The following PTPRD variants were observed in gnomAD, a reference collection of about 807,000 sequenced individuals.
PTPRD encodes the protein receptor-type tyrosine-protein phosphatase delta.
In PTPRD, 34 loss-of-function variants were observed where a neutral mutation model predicts 214.5. The ratio of observed to expected loss-of-function variants is 0.16; its 90% confidence interval spans 0.12 to 0.21. PTPRD has a LOEUF of 0.21. Among genes scored for constraint, PTPRD ranks in the 10% least tolerant of loss-of-function variants. The probability of loss-of-function intolerance (pLI) is 1.00; values close to 1 mark genes in which losing one functional copy is unlikely to be tolerated. For missense variants in PTPRD, 2,545 were observed against 2,398.7 expected, an observed-to-expected ratio of 1.06 and a Z score of -1.27; for synonymous variants, 1,128 against 845.7, an observed-to-expected ratio of 1.33 and a Z score of -5.79.
chr9:10,334,970 T>C (rs771878570), intron 3 of PTPRD, among the ~76,000 whole-genome samples: 1 of 151,902 alleles, frequency 6.6e-6, no homozygotes, highest in Non-Finnish European at 1.5e-5. Context: ...AAATATTCCA[T>C]GTTCAAGAAC....
chr9:10,446,281 T>C (rs1253277029), intron 2 of PTPRD, among the ~76,000 whole-genome samples: 1 of 151,762 alleles, frequency 6.6e-6, no homozygotes, highest in East Asian at 1.9e-4. Flanking sequence ...CAGGAAAAAA[T>C]GGAATATGAA....
At chr9:10,543,058 T>A (rs117509084) in intron 2 of PTPRD, among the ~76,000 whole-genome samples, 1 of 151,970 alleles carries the variant, frequency 6.6e-6, no homozygotes, top group Non-Finnish European at 1.5e-5. Flanking sequence ...GACAATTTTG[T>A]ATTTTTAGTA....
At chr9:9,547,842 G>A (rs1936120700) in intron 8 of PTPRD, among the ~76,000 whole-genome samples, 1 of 127,728 alleles carries the variant, frequency 7.8e-6, no homozygotes, top group Admixed American at 7.5e-5. Context: ...AAAGTCCAAG[G>A]CATATAATAA....
chr9:10,526,783 A>C (rs1045819122), intron 2 of PTPRD, among the ~76,000 whole-genome samples: 7 of 152,140 alleles, frequency 4.6e-5, no homozygotes, highest in African/African-American at 1.4e-4. Flanking sequence ...AGTAGAGAAG[A>C]AGGAAATTTT....
intron 11 of PTPRD, among the ~76,000 whole-genome samples, chr9:8,815,184 G>C (rs1276110824): frequency 6.6e-6 from 1 of 151,700 alleles, no homozygotes; most frequent in Non-Finnish European, 1.5e-5. Context: ...AGAAGATATA[G>C]AGTAGAAGCA....
At chr9:9,619,542 G>A (rs1297115830) in intron 7 of PTPRD, among the ~76,000 whole-genome samples, 2 of 144,792 alleles carry the variant, frequency 1.4e-5, no homozygotes, top group Admixed American at 6.9e-5. Context: ...TATTTATATA[G>A]AAATTCCATA....
At chr9:10,279,249 TG>T (rs2094944906) in intron 3 of PTPRD, among the ~76,000 whole-genome samples, 1 of 152,100 alleles carries the variant, frequency 6.6e-6, no homozygotes, top group Admixed American at 6.6e-5. Flanking sequence ...AGAGCTTAAC[TG>T]AAAAAATATT....
intron 2 of PTPRD, among the ~76,000 whole-genome samples, chr9:10,479,921 T>A (rs1488820928): frequency 6.6e-6 from 1 of 152,122 alleles, no homozygotes; most frequent in Non-Finnish European, 1.5e-5. Context: ...GCAGGGATGT[T>A]AAAGAAAATC....
At chr9:10,225,240 GAAT>G (rs1453369521) in intron 3 of PTPRD, among the ~76,000 whole-genome samples, 1 of 151,774 alleles carries the variant, frequency 6.6e-6, no homozygotes, top group Non-Finnish European at 1.5e-5. Flanking sequence ...TTAAAAAATA[GAAT>G]AATATTTAGA....
chr9:8,884,427 A>G (rs185984081), intron 11 of PTPRD, among the ~76,000 whole-genome samples: 3 of 152,364 alleles, frequency 2.0e-5, no homozygotes, highest in African/African-American at 7.2e-5. Flanking sequence ...CCCAGAAGGT[A>G]GAATAAGGTG....
chr9:8,584,999 T>C lies in PTPRD; in HGVS notation c.352+48318A>G, dbSNP rs116696350. Among the ~76,000 whole-genome samples the C allele has an allele frequency of 6.9e-3, 1,048 of 152,286 alleles. 12 individuals carry two copies. The highest frequency in any genetic ancestry group is 0.024 in the African/African-American group (998 of 41,548). ...GCACGGAGGTAATCTCCTCTATGAT[T>C]CAATTATCTCCCACTGGTTCCCTCT... is the stretch of plus-strand genomic sequence containing the variant. On this transcript the variant is annotated intron_variant, in intron 14 of 45. Coordinates refer to ENST00000381196, the MANE Select transcript of PTPRD (RefSeq NM_002839.4).
chr9:10,022,553 G>T (rs550392482), intron 4 of PTPRD, among the ~76,000 whole-genome samples: 1 of 152,118 alleles, frequency 6.6e-6, no homozygotes, highest in Non-Finnish European at 1.5e-5. Flanking sequence ...TTACATTTCA[G>T]CAAGTAACTG....
chr9:8,317,565 A>G lies in PTPRD; in HGVS notation c.*309T>C. 1 of 318,376 alleles carries G rather than the reference A, an allele frequency of 3.1e-6. No individual in the cohort carries two copies. Among genetic ancestry groups the G allele is most frequent in the South Asian group, 5.8e-5 (1 of 17,096 alleles). The allele number at this position is 318,376 out of a possible 1,614,324, so 19.7% of individuals were successfully genotyped here. On this transcript the variant is annotated 3_prime_UTR_variant, in exon 46 of 46. Coordinates refer to ENST00000381196, the MANE Select transcript of PTPRD (RefSeq NM_002839.4). ...TGCACCTTTCAAGCAATCCTGAATA[A>G]GATGGTGGTTCTTTGCTGTGATTTC...
At chr9:8,552,352 G>A (rs893279273) in intron 14 of PTPRD, among the ~76,000 whole-genome samples, 1 of 152,236 alleles carries the variant, frequency 6.6e-6, no homozygotes, top group African/African-American at 2.4e-5. Flanking sequence ...TTCTTGCTGT[G>A]TCAGAACGGA....
At chr9:8,838,409 T>C (rs566732207) in intron 11 of PTPRD, among the ~76,000 whole-genome samples, 1 of 152,252 alleles carries the variant, frequency 6.6e-6, no homozygotes, top group African/African-American at 2.4e-5. Flanking sequence ...AAATTCACAA[T>C]ACATTCCTCT....
chr9:10,275,290 T>A (rs2094616083), intron 3 of PTPRD, among the ~76,000 whole-genome samples: 1 of 152,108 alleles, frequency 6.6e-6, no homozygotes, highest in Non-Finnish European at 1.5e-5. Flanking sequence ...TTCTTATTTA[T>A]AAAAAGATAC....
intron 5 of PTPRD, among the ~76,000 whole-genome samples, chr9:9,851,816 G>A (rs1403031967): frequency 6.6e-6 from 1 of 152,078 alleles, no homozygotes; most frequent in Non-Finnish European, 1.5e-5. Context: ...AATTTCACTG[G>A]GCACATATGT....
At chr9:8,899,558 A>T (rs1258523599) in intron 11 of PTPRD, among the ~76,000 whole-genome samples, 1 of 152,106 alleles carries the variant, frequency 6.6e-6, no homozygotes, top group African/African-American at 2.4e-5. Flanking sequence ...GATTGTTTCC[A>T]TTTTTGCTCC....
chr9:10,056,889 A>G (rs1405322955), intron 3 of PTPRD, among the ~76,000 whole-genome samples: 1 of 152,182 alleles, frequency 6.6e-6, no homozygotes, highest in African/African-American at 2.4e-5. Flanking sequence ...CTTAAAATTT[A>G]TAAATTGTTC....
Sources: allele counts gnomAD v4.1 joint callset (sites outside exome capture counted in the v4.1 genomes callset), GRCh38; gene constraint gnomAD v4.1.1; transcripts MANE v1.5; gene names NCBI Gene and HGNC (gene_info 2026-07-23, HGNC 2026-07-21).